ITPR2: variants seen among roughly 807,000 people sequenced by gnomAD.
The protein encoded by ITPR2 is inositol 1,4,5-trisphosphate-gated calcium channel ITPR2.
Under a neutral mutation model 317.1 loss-of-function variants are expected in ITPR2, and 207 were observed. The observed-to-expected ratio is 0.65, with a 90% CI of 0.58 to 0.73. The LOEUF is 0.73. ITPR2 is among the 30% of genes least tolerant of loss of function. The pLI is 0.00. For synonymous variants in ITPR2, 1,156 were observed against 1,149.1 expected (o/e 1.01, Z -0.12); for missense variants, 2,613 against 3,284.0 (o/e 0.80, Z 4.99).
intron 45 of ITPR2, among the ~76,000 whole-genome samples, chr12:26,474,146 A>C (rs1166537754): frequency 1.3e-5 from 2 of 152,246 alleles, no homozygotes; most frequent in African/African-American, 4.8e-5. Flanking sequence ...GAAATGTCTA[A>C]AGAGCAACCT....
intron 55 of ITPR2, among the ~76,000 whole-genome samples, chr12:26,366,394 G>T (rs1487884161): frequency 1.3e-5 from 2 of 152,140 alleles, no homozygotes; most frequent in African/African-American, 2.4e-5. Context: ...CCAGAAAGTA[G>T]CTTCAGATTG....
intron 37 of ITPR2, among the ~76,000 whole-genome samples, chr12:26,535,351 A>G (rs931628367): frequency 6.6e-6 from 1 of 152,248 alleles, no homozygotes; most frequent in Non-Finnish European, 1.5e-5. Flanking sequence ...TCGAGGTCAC[A>G]GAAGACCAAT....
intron 11 of ITPR2, among the ~76,000 whole-genome samples, chr12:26,683,601 CAT>C (rs1948076290): frequency 6.6e-6 from 1 of 152,182 alleles, no homozygotes. Flanking sequence ...CAGAAGCACA[CAT>C]AGAACAAGGC....
intron 9 of ITPR2, among the ~76,000 whole-genome samples, chr12:26,710,576 T>G (rs1387011457): frequency 6.6e-6 from 1 of 152,278 alleles, no homozygotes; most frequent in East Asian, 1.9e-4. Flanking sequence ...AAACTTTAAT[T>G]AAAACATTTG....
At chr12:26,474,095 C>T (rs556223284) in intron 45 of ITPR2, among the ~76,000 whole-genome samples, 1 of 152,282 alleles carries the variant, frequency 6.6e-6, no homozygotes, top group South Asian at 2.1e-4. Flanking sequence ...GTCAAGTTCA[C>T]ATATATTAGA....
chr12:26,675,468 G>A (rs923270585), intron 13 of ITPR2, among the ~76,000 whole-genome samples: 26 of 147,902 alleles, frequency 1.8e-4, no homozygotes, highest in African/African-American at 5.7e-4. Context: ...AACACCACAT[G>A]TTCTACTCAT....
intron 55 of ITPR2, among the ~76,000 whole-genome samples, chr12:26,387,226 A>T (rs1050847438): frequency 6.6e-6 from 1 of 152,212 alleles, no homozygotes; most frequent in Non-Finnish European, 1.5e-5. Flanking sequence ...TGCACTGGAG[A>T]CTCAAATTTG....
intron 2 of ITPR2, among the ~76,000 whole-genome samples, chr12:26,754,948 T>A (rs1949494294): frequency 6.6e-6 from 1 of 152,204 alleles, no homozygotes; most frequent in Non-Finnish European, 1.5e-5. Context: ...GGGTTTAACA[T>A]CAGTAGTGCA....
intron 37 of ITPR2, among the ~76,000 whole-genome samples, chr12:26,534,326 T>A (rs921855632): frequency 1.3e-5 from 2 of 152,188 alleles, no homozygotes; most frequent in African/African-American, 4.8e-5. Context: ...AAATGGCAGA[T>A]GTGGAAGAGA....
intron 55 of ITPR2, among the ~76,000 whole-genome samples, chr12:26,377,884 C>T (rs1255405409): frequency 6.6e-6 from 1 of 152,048 alleles, no homozygotes; most frequent in Non-Finnish European, 1.5e-5. Flanking sequence ...ACACACTTTG[C>T]CTGGAACATA....
At chr12:26,418,949 T>C (rs1379295327) in intron 50 of ITPR2, 100 bp downstream of exon 50, 1 of 963,710 alleles carries the variant, frequency 1.0e-6, no homozygotes, top group East Asian at 2.7e-5. Flanking sequence ...GTCCTAAATG[T>C]CAGGCTTTGC....
chr12:26,788,054 C>G (rs1219062056), intron 2 of ITPR2, among the ~76,000 whole-genome samples: 2 of 151,332 alleles, frequency 1.3e-5, no homozygotes, highest in Non-Finnish European at 1.5e-5. Context: ...TCCTGAGTGG[C>G]TGGGATTACA....
intron 1 of ITPR2, among the ~76,000 whole-genome samples, chr12:26,810,765 A>G (rs1287256034): frequency 6.6e-6 from 1 of 152,180 alleles, no homozygotes; most frequent in Non-Finnish European, 1.5e-5. Flanking sequence ...TTCACCCTTT[A>G]ACTTCCCTGA....
intron 37 of ITPR2, among the ~76,000 whole-genome samples, chr12:26,509,958 T>TTGTGTGTGTGTGTGTGTGTGCGTG (rs1943288519): frequency 1.9e-5 from 1 of 53,196 alleles, no homozygotes; most frequent in Non-Finnish European, 4.0e-5. Flanking sequence ...GATAAGGGTT[T>TTGTGTGTGTGTGTGTGTGTGCGTG]TGTGTGTGTG....
chr12:26,387,433 C>A lies in ITPR2; in HGVS notation c.7857+1G>T. On this transcript the variant is annotated splice_donor_variant, in intron 55 of 56. Transcript: ENST00000381340. LOFTEE classifies it high-confidence loss of function. ...CAAATTAAAACCTTCTGGTCACTCA[C>A]CACAATCATTTGAGCCACATAACTT... The A allele has an allele frequency of 6.2e-7, 1 of 1,613,136 alleles. No individual in the cohort carries two copies. Among genetic ancestry groups the A allele is most frequent in the African/African-American group, 1.3e-5 (1 of 75,014 alleles).
At chr12:26,764,923 T>C (rs1393315826) in intron 2 of ITPR2, among the ~76,000 whole-genome samples, 1 of 152,110 alleles carries the variant, frequency 6.6e-6, no homozygotes, top group Non-Finnish European at 1.5e-5. Context: ...TTCTCTTCTT[T>C]AGCTAAGGAA....
intron 2 of ITPR2, among the ~76,000 whole-genome samples, chr12:26,730,775 A>G (rs1236512107): frequency 6.6e-6 from 1 of 152,220 alleles, no homozygotes; most frequent in Non-Finnish European, 1.5e-5. Flanking sequence ...CATTGGTGGC[A>G]TTTTAGCCTG....
At position 26,570,435 on chromosome 12, in the gene ITPR2, T is replaced by A. The variant is rs1394057376; in HGVS notation, c.4630+8278A>T. ...ATCACAGGGATATATGATGTCAAGCTCCTTCTAAAATCAACCACAACACCT... is the reference window on the plus strand; with the variant it reads ...ATCACAGGGATATATGATGTCAAGCACCTTCTAAAATCAACCACAACACCT... On this transcript the variant is annotated intron_variant, in intron 34 of 56. Coordinates refer to ENST00000381340, the MANE Select transcript of ITPR2 (RefSeq NM_002223.4). Among the ~76,000 whole-genome samples, 3 of 152,290 alleles carry A rather than the reference T, an allele frequency of 2.0e-5. No homozygotes were observed. The East Asian group carries it at 5.8e-4, about 29-fold the overall frequency.
Position 26,657,843 on chromosome 12 carries a change from C to G in ITPR2, c.2056G>C (p.Asp686His), listed in dbSNP as rs751773766. 2 of 1,614,174 alleles carry G rather than the reference C, an allele frequency of 1.2e-6. No individual in the cohort carries two copies. Among genetic ancestry groups the G allele is most frequent in the East Asian group, 2.2e-5 (1 of 44,876 alleles). ...CAAACTTCTTCATCATCAATGTCATCTGAAAGGATGGAGCTCTCCATGGGG... is the reference window on the plus strand; with the variant it reads ...CAAACTTCTTCATCATCAATGTCATGTGAAAGGATGGAGCTCTCCATGGGG... ...DNPMESSILS[D>H]DIDDEEVWLY... The change falls in exon 18 of 57, where the codon GAT becomes CAT. Residue 686 changes from aspartate (D) to histidine (H), a missense_variant. Around this residue, in one of 9 missense-constraint regions of ITPR2, gnomAD observed 817 missense variants for 897.6 expected, o/e 0.91. Transcript: ENST00000381340.
Sources: allele counts gnomAD v4.1 joint callset (sites outside exome capture counted in the v4.1 genomes callset), GRCh38; gene constraint gnomAD v4.1.1; regional missense constraint gnomAD v4.1.1; transcripts MANE v1.5; gene names NCBI Gene and HGNC (gene_info 2026-07-23, HGNC 2026-07-21).